Variants in RTL4 observed in about 807,000 individuals in gnomAD.
The protein encoded by RTL4 is retrotransposon Gag-like protein 4.
A neutral mutation model predicts 5.3 loss-of-function variants in RTL4; 4 were observed. That is an observed-to-expected ratio of 0.75 (90% CI 0.37 to 1.72). The LOEUF (loss-of-function observed/expected upper bound fraction) is 1.72. RTL4 is among the 40% of genes most tolerant of loss of function. The pLI, the probability that RTL4 is intolerant of heterozygous loss-of-function variation, is 0.04. For missense variants in RTL4, 260 were observed against 227.1 expected, an observed-to-expected ratio of 1.14 and a Z score of -0.93; for synonymous variants, 98 against 87.3, an observed-to-expected ratio of 1.12 and a Z score of -0.68.
At chrX:112,272,419 G>A in the RTL4 span, among the ~76,000 whole-genome samples, 2 of 111,679 alleles carry the variant, frequency 1.8e-5, no homozygotes, top group South Asian at 7.6e-4. Context: ...GAATGGACAT[G>A]GAGGAGGGGG....
the RTL4 span, among the ~76,000 whole-genome samples, chrX:112,086,987 G>C: frequency 8.9e-6 from 1 of 111,918 alleles, no homozygotes; most frequent in Non-Finnish European, 1.9e-5. Context: ...TTCACTTCAT[G>C]GATTAGCTAA....
At chrX:112,322,373 A>C in the RTL4 span, among the ~76,000 whole-genome samples, 2 of 105,221 alleles carry the variant, frequency 1.9e-5, no homozygotes, top group Non-Finnish European at 3.9e-5. Flanking sequence ...TTTGTAGAGG[A>C]TATCTTAGAG....
chrX:112,413,865 C>A, the RTL4 span, among the ~76,000 whole-genome samples: 1 of 110,754 alleles, frequency 9.0e-6, no homozygotes, highest in East Asian at 2.8e-4. Context: ...GTTTGTAACA[C>A]AAACGATAAA....
At chrX:112,371,957 A>G in the RTL4 span, among the ~76,000 whole-genome samples, 1,487 of 112,144 alleles carry the variant, frequency 0.013, 14 homozygotes, top group African/African-American at 0.044. Context: ...TATGTTTTTA[A>G]TTTTTAAAAT....
At chrX:112,142,707 TA>T in the RTL4 span, among the ~76,000 whole-genome samples, 1 of 112,192 alleles carries the variant, frequency 8.9e-6, no homozygotes, top group Non-Finnish European at 1.9e-5. Flanking sequence ...AGTCCTGTAA[TA>T]GGGGTGTGTG....
At chrX:112,433,547 G>C in the RTL4 span, among the ~76,000 whole-genome samples, 1 of 60,750 alleles carries the variant, frequency 1.6e-5, no homozygotes, top group Non-Finnish European at 3.0e-5. Flanking sequence ...TGTTATTGGT[G>C]TATAAGAATG....
At chrX:112,094,663 G>C in the RTL4 span, among the ~76,000 whole-genome samples, 1 of 111,407 alleles carries the variant, frequency 9.0e-6, no homozygotes, top group Admixed American at 9.6e-5. Context: ...AAATACCAGG[G>C]AGAAAGGAGA....
chrX:112,326,925 A>G, the RTL4 span, among the ~76,000 whole-genome samples: 12 of 111,659 alleles, frequency 1.1e-4, no homozygotes, highest in Non-Finnish European at 1.9e-4. Flanking sequence ...AGGTACTCCA[A>G]CAGACCTGCA....
the RTL4 span, among the ~76,000 whole-genome samples, chrX:112,201,602 G>A: frequency 9.1e-6 from 1 of 109,798 alleles, no homozygotes; most frequent in African/African-American, 3.3e-5. Context: ...CTAACCCACC[G>A]GGAGCACAGT....
chrX:112,240,843 G>A, the RTL4 span, among the ~76,000 whole-genome samples: 6 of 109,860 alleles, frequency 5.5e-5, no homozygotes, highest in South Asian at 8.1e-4. Flanking sequence ...GACAGACCCC[G>A]TTGTGTGATG....
At chrX:112,137,812 C>T in the RTL4 span, among the ~76,000 whole-genome samples, 2 of 110,964 alleles carry the variant, frequency 1.8e-5, no homozygotes, top group African/African-American at 6.5e-5. Flanking sequence ...GTAAATTGTT[C>T]CAGCCAATAT....
the RTL4 span, among the ~76,000 whole-genome samples, chrX:112,301,812 T>C: frequency 9.2e-5 from 10 of 109,120 alleles, no homozygotes; most frequent in South Asian, 3.6e-3. Flanking sequence ...AAAATGTTTT[T>C]AAATTGCCCA....
the RTL4 span, among the ~76,000 whole-genome samples, chrX:112,367,752 A>G: frequency 3.3e-4 from 37 of 111,895 alleles, no homozygotes; most frequent in African/African-American, 1.1e-3. Context: ...GGGAACGAGC[A>G]ATTAAAACAC....
the RTL4 span, among the ~76,000 whole-genome samples, chrX:112,096,048 G>T: frequency 8.0e-5 from 9 of 111,998 alleles, no homozygotes; most frequent in Admixed American, 3.8e-4. Context: ...AAGTATCAGA[G>T]CTTATATGGG....
the RTL4 span, among the ~76,000 whole-genome samples, chrX:112,095,278 A>C: frequency 9.0e-6 from 1 of 111,080 alleles, no homozygotes; most frequent in Non-Finnish European, 1.9e-5. Flanking sequence ...TCATTTATTG[A>C]GGGAGGGTTC....
chrX:112,169,053 T>TTTCTTTCTTTC, the RTL4 span, among the ~76,000 whole-genome samples: 3 of 37,223 alleles, frequency 8.1e-5, no homozygotes, highest in Non-Finnish European at 1.1e-4. Context: ...TCTTTCTTTC[T>TTTCTTTCTTTC]TTCTTTCTTT....
At chrX:112,131,977 T>C in the RTL4 span, among the ~76,000 whole-genome samples, 26 of 111,826 alleles carry the variant, frequency 2.3e-4, no homozygotes, top group Non-Finnish European at 4.7e-4. Context: ...ATTCCCATTT[T>C]ATAAACGAAG....
At chrX:112,441,425 C>T in the RTL4 span, among the ~76,000 whole-genome samples, 1 of 111,477 alleles carries the variant, frequency 9.0e-6, no homozygotes, top group Non-Finnish European at 1.9e-5. Flanking sequence ...CAAAAGACAG[C>T]GGGATAGAGA....
At chrX:112,428,888 A>G in the RTL4 span, among the ~76,000 whole-genome samples, 2 of 111,192 alleles carry the variant, frequency 1.8e-5, no homozygotes, top group Non-Finnish European at 3.8e-5. Context: ...TTGTCCCTGT[A>G]TTTTTCTGTA....
Sources: gnomAD v4.1 joint callset for allele counts (sites outside exome capture counted in the v4.1 genomes callset) on GRCh38, gnomAD v4.1.1 for gene constraint, MANE v1.5 for transcripts, NCBI Gene and HGNC (gene_info 2026-07-23, HGNC 2026-07-21) for gene names.